Variants in JOSD2 observed in about 807,000 individuals in gnomAD.
The protein encoded by JOSD2 is Josephin domain containing 2, also known as josephin-2.
A neutral mutation model predicts 19.3 loss-of-function variants in JOSD2; 20 were observed. The ratio of observed to expected loss-of-function variants is 1.04; its 90% CI spans 0.73 to 1.51. The LOEUF (loss-of-function observed/expected upper bound fraction) is 1.51, where lower values mean the gene tolerates loss of function less well. JOSD2 is among the 40% of genes most tolerant of loss of function. JOSD2 has a pLI of 0.00. For missense variants in JOSD2, 215 were observed against 250.4 expected (o/e 0.86, Z 0.95); for synonymous variants, 118 against 123.7 (o/e 0.95, Z 0.31).
chr19:50,510,083 T>C (rs2122714768), intron 2 of JOSD2: 1 of 426,008 alleles, frequency 2.3e-6, no homozygotes, highest in South Asian at 3.0e-5. Flanking sequence ...AACCACTGGA[T>C]TGAGGTCTGG....
chr19:50,506,614 C>T lies in JOSD2; in HGVS notation c.273-42G>A, dbSNP rs200538862. The T allele has an allele frequency of 7.7e-4, 1,111 of 1,445,428 alleles. 11 individuals carry two copies. The African/African-American group carries it at 0.014, about 18-fold the overall frequency. The allele number at this position is 1,445,428 out of a possible 1,614,324, so 89.5% of individuals were successfully genotyped here. On this transcript the variant is annotated intron_variant, in intron 3 of 4. Transcript: ENST00000598418. Reference sequence around the variant, plus strand: ...GGGACACTGCCATCAGGGCCTGCTCCGCCCGCCGGTGAAATGTTGCTGAAC... The same window carrying T: ...GGGACACTGCCATCAGGGCCTGCTCTGCCCGCCGGTGAAATGTTGCTGAAC...
rs898543825 is a variant in JOSD2, at chr19:50,510,829, G to A, written c.-18+288C>T. Among the ~76,000 whole-genome samples the A allele has an allele frequency of 4.6e-5, 7 of 151,242 alleles. 1 individual carries two copies. The South Asian group carries it at 1.0e-3, about 23-fold the overall frequency. On this transcript the variant is annotated intron_variant, in intron 1 of 4. Coordinates refer to ENST00000598418, the MANE Select transcript of JOSD2 (RefSeq NM_001270639.2). ...CCCACCGCACTAGGTAACAAAGTCT[G>A]TCCTCCGAGCACCTAGCAATAGAGA...
rs984292959 is a variant in JOSD2 at position 50,506,621 on chromosome 19, C to T, written c.273-49G>A. 46 of 1,447,014 alleles carry T rather than the reference C, an allele frequency of 3.2e-5. No homozygotes were observed. In the Admixed American group the frequency reaches 5.6e-4, roughly 18 times the overall value. The allele number at this position is 1,447,014 out of a possible 1,614,324, so 89.6% of individuals were successfully genotyped here. A position where few individuals can be genotyped will look rare whatever the true frequency, so the allele number is the denominator to read the frequency against. On this transcript the variant is annotated intron_variant, in intron 3 of 4. Coordinates refer to ENST00000598418, the MANE Select transcript of JOSD2 (RefSeq NM_001270639.2). ...TGCCATCAGGGCCTGCTCCGCCCGC[C>T]GGTGAAATGTTGCTGAACATGTGGG... is the stretch of plus-strand genomic sequence containing the variant.
intron 2 of JOSD2, chr19:50,507,938 C>T: frequency 1.7e-6 from 1 of 574,624 alleles, no homozygotes; most frequent in Non-Finnish European, 3.1e-6. Flanking sequence ...CCCGACTCTG[C>T]CCTGTCCCCA....
rs751838390 is a variant in JOSD2 at position 50,506,184 on chromosome 19, G to A, written c.556C>T (p.Arg186Trp). Residue 186 changes from arginine to tryptophan, a missense_variant, in exon 5 of 5, where the codon CGG becomes TGG. Coordinates refer to ENST00000598418, the MANE Select transcript of JOSD2 (RefSeq NM_001270639.2). ...ATGGTCAGCCATGGTCAGTCTGTCCGCAGCCAGCTGCCCTTCTCCTCCACC... is the reference window on the plus strand; with the variant it reads ...ATGGTCAGCCATGGTCAGTCTGTCCACAGCCAGCTGCCCTTCTCCTCCACC... Reference protein sequence around the residue: ...KEVEEKGSWLRTD With the variant: ...KEVEEKGSWLWTD 3.7e-6 allele frequency: 6 copies of A among 1,612,472 alleles called. No homozygotes were observed. The highest frequency in any genetic ancestry group is 1.3e-5 in the African/African-American group (1 of 74,920).
chr19:50,509,835 C>T (rs941211606), intron 2 of JOSD2, among the ~76,000 whole-genome samples: 12 of 151,638 alleles, frequency 7.9e-5, no homozygotes, highest in African/African-American at 2.4e-4. Flanking sequence ...GGGTGGATCA[C>T]GAGGTCAGGA....
chr19:50,510,381 T>TGG lies in JOSD2; in HGVS notation c.50_51insCC (p.Glu17AspfsTer41). The TGG allele has an allele frequency of 6.2e-7, 1 of 1,613,450 alleles. No individual in the cohort carries two copies. Among genetic ancestry groups the TGG allele is most frequent in the Non-Finnish European group, 8.5e-7 (1 of 1,179,912 alleles). On this transcript the variant is annotated frameshift_variant, in exon 2 of 5. Transcript: ENST00000598418. LOFTEE classifies it high-confidence loss of function. ...CAGCACACAGCTCCAGGCGCTGCCGTTCGTGGTACACGGTGGGTGGGCTCG... is the reference window on the plus strand; with the variant it reads ...CAGCACACAGCTCCAGGCGCTGCCGTGGTCGTGGTACACGGTGGGTGGGCTCG...
At chr19:50,511,078 A>G in intron 1 of JOSD2, 39 bp downstream of exon 1, 1 of 451,032 alleles carries the variant, frequency 2.2e-6, no homozygotes, top group Non-Finnish European at 4.5e-6. Context: ...CCCGCACCCC[A>G]GCCACGGCGC....
chr19:50,506,069 C>T lies in JOSD2; in HGVS notation c.*104G>A. 1 of 1,097,912 alleles carries T rather than the reference C, an allele frequency of 9.1e-7. No individual in the cohort carries two copies. The highest frequency in any genetic ancestry group is 2.4e-5 in the East Asian group (1 of 40,888). The allele number at this position is 1,097,912 out of a possible 1,614,324, so 68.0% of individuals were successfully genotyped here. A position where few individuals can be genotyped will look rare whatever the true frequency, so the allele number is the denominator to read the frequency against. ...CAGGGGTGTGGGGAGGGGGCGGGGC[C>T]TCCCCAGGGTCCATGAAGTGCTGGC... On this transcript the variant is annotated 3_prime_UTR_variant, in exon 5 of 5. Coordinates refer to ENST00000598418, the MANE Select transcript of JOSD2 (RefSeq NM_001270639.2).
intron 3 of JOSD2, 31 bp from the exon 4 acceptor site, chr19:50,506,603 A>G (rs1298801788): frequency 2.6e-5 from 39 of 1,472,760 alleles, no homozygotes; most frequent in Non-Finnish European, 3.2e-5. Flanking sequence ...CACTGCCATC[A>G]GGGCCTGCTC....
At chr19:50,509,588 G>T (rs1979608910) in intron 2 of JOSD2, among the ~76,000 whole-genome samples, 1 of 152,182 alleles carries the variant, frequency 6.6e-6, no homozygotes, top group East Asian at 1.9e-4. Context: ...GCTATGAGGA[G>T]GGCCCTGAGT....
intron 2 of JOSD2, 106 bp from the exon 3 acceptor site, chr19:50,507,805 G>T: frequency 7.3e-7 from 1 of 1,376,720 alleles, no homozygotes; most frequent in Non-Finnish European, 9.8e-7. Flanking sequence ...GACTCTCCCC[G>T]CTTCAGACCC....
At chr19:50,509,209 C>G (rs369876438) in intron 2 of JOSD2, among the ~76,000 whole-genome samples, 2 of 150,450 alleles carry the variant, frequency 1.3e-5, no homozygotes, top group South Asian at 2.1e-4. Context: ...TCCAGAGTAG[C>G]TGGGACTACA....
At chr19:50,506,607 C>T in intron 3 of JOSD2, 35 bp from the exon 4 acceptor site, 1 of 1,455,374 alleles carries the variant, frequency 6.9e-7, no homozygotes, top group Non-Finnish European at 9.1e-7. Context: ...GCCATCAGGG[C>T]CTGCTCCGCC....
intron 2 of JOSD2, among the ~76,000 whole-genome samples, chr19:50,509,103 A>ATTTTT (rs34345488): frequency 1.7e-5 from 2 of 115,164 alleles, no homozygotes; most frequent in Non-Finnish European, 3.5e-5. Context: ...TAAAGGAGTG[A>ATTTTT]TTTTTTTTTT....
At position 50,506,150 on chromosome 19, in the gene JOSD2, T is replaced by C. The variant is rs751983983; in HGVS notation, c.*23A>G. ...AGGGGGATGCGCAGGGACTGCGCTG[T>C]GGGCGCCGATGGTCAGCCATGGTCA... On this transcript the variant is annotated 3_prime_UTR_variant, in exon 5 of 5. Transcript: ENST00000598418. The C allele has an allele frequency of 1.2e-6, 2 of 1,608,742 alleles. No individual in the cohort carries two copies. The highest frequency in any genetic ancestry group is 1.7e-6 in the Non-Finnish European group (2 of 1,177,168).
Position 50,510,389 on chromosome 19 carries a change from A to G in JOSD2, c.43T>C (p.Tyr15His). Residue 15 changes from tyrosine to histidine, a missense_variant, in exon 2 of 5, where the codon TAC (tyrosine) becomes CAC (histidine). Tyr to His is a moderately conservative substitution (Grantham distance 83). Coordinates refer to ENST00000598418, the MANE Select transcript of JOSD2 (RefSeq NM_001270639.2). ...PGAQPSPPTV[Y>H]HERQRLELCA... is the part of the protein sequence containing the mutation. ...AGCTCCAGGCGCTGCCGTTCGTGGT[A>G]CACGGTGGGTGGGCTCGGCTGTGCT... 3 of 1,613,290 alleles carry G rather than the reference A, an allele frequency of 1.9e-6. No individual in the cohort carries two copies. Among genetic ancestry groups the G allele is most frequent in the Non-Finnish European group, 2.5e-6 (3 of 1,179,846 alleles).
intron 4 of JOSD2, 27 bp from the exon 5 acceptor site, chr19:50,506,299 G>A: frequency 6.2e-7 from 1 of 1,611,366 alleles, no homozygotes; most frequent in Non-Finnish European, 8.5e-7. Flanking sequence ...GGGAGACTGA[G>A]GCTCGGCCAG....
intron 1 of JOSD2, 96 bp downstream of exon 1, chr19:50,511,021 C>T (rs1197252497): frequency 1.1e-5 from 5 of 442,436 alleles, no homozygotes; most frequent in African/African-American, 2.1e-5. Flanking sequence ...TATCACCCAG[C>T]AACCAGGCCC....
Sources: allele counts gnomAD v4.1 joint callset (sites outside exome capture counted in the v4.1 genomes callset), GRCh38; gene constraint gnomAD v4.1.1; transcripts MANE v1.5; gene names NCBI Gene and HGNC (gene_info 2026-07-23, HGNC 2026-07-21).